SFMBT1: variants seen among roughly 807,000 people sequenced by gnomAD.
SFMBT1 encodes Scm like with four mbt domains 1, also known as scm-like with four MBT domains protein 1.
A neutral mutation model predicts 108.7 loss-of-function variants in SFMBT1; 32 were observed. That is an observed-to-expected ratio of 0.29 (90% confidence interval 0.22 to 0.40). The LOEUF is 0.40. Among genes scored for constraint, SFMBT1 ranks in the 10% least tolerant of loss-of-function variants. SFMBT1 has a pLI of 1.00. For missense variants in SFMBT1, 816 were observed against 1,059.6 expected (o/e 0.77, Z 3.19); for synonymous variants, 348 against 369.5 (o/e 0.94, Z 0.67).
chr3:53,006,583 C>T (rs1427112047), intron 1 of SFMBT1, among the ~76,000 whole-genome samples: 2 of 149,886 alleles, frequency 1.3e-5, no homozygotes, highest in African/African-American at 2.5e-5. Context: ...GAGCCGAGAT[C>T]CTGCCACTGT....
intron 13 of SFMBT1, among the ~76,000 whole-genome samples, chr3:52,917,233 C>T (rs1449679688): frequency 6.6e-6 from 1 of 152,190 alleles, no homozygotes. Flanking sequence ...TTGCTATATA[C>T]AGAATTGTTT....
intron 1 of SFMBT1, among the ~76,000 whole-genome samples, chr3:53,012,494 C>A (rs1189833218): frequency 6.6e-6 from 1 of 152,062 alleles, no homozygotes; most frequent in Admixed American, 6.5e-5. Flanking sequence ...GCTCCGCCTC[C>A]CGGATTCACG....
At chr3:52,972,841 AACACACACACAC>A (rs55688451) in intron 1 of SFMBT1, among the ~76,000 whole-genome samples, 6 of 118,852 alleles carry the variant, frequency 5.0e-5, no homozygotes, top group Non-Finnish European at 1.0e-4. Flanking sequence ...ATCTCTACTA[AACACACACACAC>A]ACACACACAC....
chr3:52,995,088 C>T (rs1488209805), intron 1 of SFMBT1, among the ~76,000 whole-genome samples: 1 of 145,534 alleles, frequency 6.9e-6, no homozygotes, highest in Admixed American at 6.9e-5. Context: ...TACACTGAAA[C>T]TGGAAAATAT....
chr3:52,982,763 C>T (rs910586508), intron 1 of SFMBT1, among the ~76,000 whole-genome samples: 6 of 123,528 alleles, frequency 4.9e-5, no homozygotes, highest in Non-Finnish European at 6.7e-5. Flanking sequence ...AGATATAGAT[C>T]GTGGAGAAAT....
At chr3:52,956,068 C>T (rs572655162) in intron 2 of SFMBT1, among the ~76,000 whole-genome samples, 87 of 152,284 alleles carry the variant, frequency 5.7e-4, no homozygotes, top group Middle Eastern at 3.4e-3. Context: ...AATCAATAAA[C>T]GTAGTTCATC....
rs1698677919 is a variant in SFMBT1 at position 53,004,662 on chromosome 3, A to G, written c.-130-35404T>C. ...TTTAATTATGGTAGACAACCAAATGATAGATCTCTGAAATTTTGAGACACA... is the reference window on the plus strand; with the variant it reads ...TTTAATTATGGTAGACAACCAAATGGTAGATCTCTGAAATTTTGAGACACA... On this transcript the variant is annotated intron_variant, in intron 1 of 20. Coordinates refer to ENST00000394752, the MANE Select transcript of SFMBT1 (RefSeq NM_016329.4). Among the ~76,000 whole-genome samples, 3 of 150,204 alleles carry G rather than the reference A, an allele frequency of 2.0e-5. No individual in the cohort carries two copies. The South Asian group carries it at 6.3e-4, about 32-fold the overall frequency.
intron 9 of SFMBT1, among the ~76,000 whole-genome samples, chr3:52,926,769 G>A (rs1013878960): frequency 1.3e-5 from 2 of 152,098 alleles, no homozygotes; most frequent in Non-Finnish European, 2.9e-5. Flanking sequence ...CCATCTACAT[G>A]CAAAGAGCTG....
intron 2 of SFMBT1, among the ~76,000 whole-genome samples, chr3:52,966,178 G>A (rs191034583): frequency 2.7e-4 from 40 of 148,068 alleles, no homozygotes; most frequent in Admixed American, 2.0e-3. Flanking sequence ...TTTGCCGGGC[G>A]TGGTGGCGGG....
At chr3:52,912,714 A>C (rs1355846806) in intron 15 of SFMBT1, 67 bp from the exon 16 acceptor site, 1 of 1,122,984 alleles carries the variant, frequency 8.9e-7, no homozygotes, top group Admixed American at 1.8e-5. Flanking sequence ...GAATCTTGTC[A>C]TCTCTTCCTT....
At chr3:52,969,880 T>C (rs927650199) in intron 1 of SFMBT1, among the ~76,000 whole-genome samples, 1 of 152,080 alleles carries the variant, frequency 6.6e-6, no homozygotes, top group African/African-American at 2.4e-5. Context: ...AGTGAGAGGA[T>C]TCCTTTGAGC....
chr3:52,929,375 G>A (rs1575380766), intron 8 of SFMBT1, among the ~76,000 whole-genome samples: 1 of 152,286 alleles, frequency 6.6e-6, no homozygotes, highest in Non-Finnish European at 1.5e-5. Context: ...GAGCAGCTGG[G>A]ATTACAGGCA....
At chr3:53,009,361 T>C (rs938787088) in intron 1 of SFMBT1, among the ~76,000 whole-genome samples, 14 of 151,970 alleles carry the variant, frequency 9.2e-5, no homozygotes, top group African/African-American at 3.1e-4. Context: ...GGCAGGAGAA[T>C]TGCTTGAACC....
intron 7 of SFMBT1, 31 bp downstream of exon 7, chr3:52,930,910 A>C: frequency 4.2e-3 from 6,540 of 1,567,286 alleles, no homozygotes; most frequent in Non-Finnish European, 5.2e-3. Context: ...TAAGGGGAGC[A>C]ATACCGGTCT....
At chr3:53,005,098 T>A (rs1195506882) in intron 1 of SFMBT1, among the ~76,000 whole-genome samples, 1 of 152,220 alleles carries the variant, frequency 6.6e-6, no homozygotes, top group Admixed American at 6.5e-5. Context: ...GTCAGGTCAC[T>A]TTTCTTATCA....
chr3:52,942,593 A>G (rs929248201), intron 4 of SFMBT1, among the ~76,000 whole-genome samples: 1 of 152,192 alleles, frequency 6.6e-6, no homozygotes, highest in African/African-American at 2.4e-5. Context: ...GCTCAATGCA[A>G]CGGCCGCCTC....
chr3:52,970,067 C>T (rs1245018592), intron 1 of SFMBT1, among the ~76,000 whole-genome samples: 1 of 151,336 alleles, frequency 6.6e-6, no homozygotes, highest in Non-Finnish European at 1.5e-5. Flanking sequence ...CACCACTGCA[C>T]TCCAGCCTGG....
intron 1 of SFMBT1, among the ~76,000 whole-genome samples, chr3:53,009,405 G>A (rs1400230616): frequency 2.0e-5 from 3 of 152,012 alleles, no homozygotes; most frequent in African/African-American, 2.4e-5. Context: ...CCGAGATCAC[G>A]CCACTGCACT....
At position 52,942,048 on chromosome 3, in the gene SFMBT1, T is replaced by C. The variant is rs1037499249; in HGVS notation, c.364+1305A>G. Among the ~76,000 whole-genome samples the C allele has an allele frequency of 2.6e-5, 4 of 151,990 alleles. No homozygotes were observed. The East Asian group carries it at 7.7e-4, about 29-fold the overall frequency. ...CAGGATAATCACTTGAGCCCAGGAG[T>C]TGGAGACCAGTCTGGGTGATATAGC... On this transcript the variant is annotated intron_variant, in intron 4 of 20. Coordinates refer to ENST00000394752, the MANE Select transcript of SFMBT1 (RefSeq NM_016329.4).
Sources: gnomAD v4.1 joint callset for allele counts (sites outside exome capture counted in the v4.1 genomes callset) on GRCh38, gnomAD v4.1.1 for gene constraint, MANE v1.5 for transcripts, NCBI Gene and HGNC (gene_info 2026-07-23, HGNC 2026-07-21) for gene names.